Variants in CUX2 observed in about 807,000 individuals in gnomAD.
CUX2 encodes the protein cut like homeobox 2.
A neutral mutation model predicts 144.8 loss-of-function variants in CUX2; 40 were observed. The observed-to-expected ratio is 0.28, with a 90% CI of 0.21 to 0.36. The LOEUF (loss-of-function observed/expected upper bound fraction) is 0.36, where lower values mean the gene tolerates loss of function less well. Among genes scored for constraint, CUX2 ranks in the 10% least tolerant of loss-of-function variants. The pLI is 1.00. For missense variants in CUX2, 1,615 were observed against 1,994.0 expected, an observed-to-expected ratio of 0.81 and a Z score of 3.62; for synonymous variants, 827 against 875.6, an observed-to-expected ratio of 0.94 and a Z score of 0.98.
intron 1 of CUX2, among the ~76,000 whole-genome samples, chr12:111,107,037 A>G (rs1873653089): frequency 5.9e-5 from 9 of 152,226 alleles, no homozygotes; most frequent in Admixed American, 5.9e-4. Flanking sequence ...ATAACACGCA[A>G]TGCCACCTTC....
intron 1 of CUX2, among the ~76,000 whole-genome samples, chr12:111,093,472 G>A (rs1448539185): frequency 2.6e-5 from 4 of 151,708 alleles, no homozygotes; most frequent in Non-Finnish European, 1.5e-5. Flanking sequence ...GACAAGCCTC[G>A]TCTGCCACTT....
intron 18 of CUX2, among the ~76,000 whole-genome samples, chr12:111,326,323 G>A (rs1887808724): frequency 2.0e-5 from 1 of 50,846 alleles, no homozygotes; most frequent in Non-Finnish European, 3.2e-5. Flanking sequence ...TGGGGGAGGG[G>A]TGGGTTTTGT....
At position 111,059,509 on chromosome 12, in the gene CUX2, T is replaced by G. The variant is rs1870672320; in HGVS notation, c.63+25269T>G. 6.6e-6 allele frequency among the ~76,000 whole-genome samples: 1 copy of G among 152,110 alleles called. No homozygotes were observed. The highest frequency in any genetic ancestry group is 2.4e-5 in the African/African-American group (1 of 41,416). Reference sequence around the variant, plus strand: ...TTTCTATGAGGGCCCCATTGATGCCTCAGTTTCCCTCACCTTCCAAATGGG... The same window carrying G: ...TTTCTATGAGGGCCCCATTGATGCCGCAGTTTCCCTCACCTTCCAAATGGG... On this transcript the variant is annotated intron_variant, in intron 1 of 21. Transcript: ENST00000261726. The surrounding 1 kb of genome is among the most constrained non-coding windows in gnomAD (Gnocchi z 5.3).
intron 19 of CUX2, among the ~76,000 whole-genome samples, chr12:111,337,348 G>A (rs1372153502): frequency 7.6e-6 from 1 of 130,736 alleles, no homozygotes; most frequent in South Asian, 2.4e-4. Context: ...GTGAGACCCT[G>A]TCTCAAAAAA....
chr12:111,142,149 A>G (rs1393122560), intron 1 of CUX2, among the ~76,000 whole-genome samples: 2 of 152,278 alleles, frequency 1.3e-5, no homozygotes, highest in East Asian at 3.9e-4. Flanking sequence ...TCCTAGCAAG[A>G]TTTATCATGG....
At chr12:111,275,288 T>A (rs1884817428) in intron 4 of CUX2, among the ~76,000 whole-genome samples, 1 of 152,204 alleles carries the variant, frequency 6.6e-6, no homozygotes, top group South Asian at 2.1e-4. Context: ...CTGCCACTCA[T>A]CAGCTCATCA....
At chr12:111,161,026 G>T (rs1189442664) in intron 1 of CUX2, among the ~76,000 whole-genome samples, 1 of 152,210 alleles carries the variant, frequency 6.6e-6, no homozygotes, top group Non-Finnish European at 1.5e-5. Flanking sequence ...CAGTGGGTGG[G>T]TGGTGGAGCT....
intron 1 of CUX2, among the ~76,000 whole-genome samples, chr12:111,038,631 A>T (rs1301678690): frequency 6.6e-6 from 1 of 152,250 alleles, no homozygotes; most frequent in Non-Finnish European, 1.5e-5. Flanking sequence ...AATTTATTTA[A>T]AGAACCCAGC....
chr12:111,113,515 A>G (rs889109648), intron 1 of CUX2, among the ~76,000 whole-genome samples: 4 of 152,006 alleles, frequency 2.6e-5, no homozygotes, highest in Non-Finnish European at 4.4e-5. Context: ...GGATGATGCA[A>G]TATGTGATCT....
rs889076627 is a variant in CUX2 at position 111,246,586 on chromosome 12, T to C, written c.223-17175T>C. 2.6e-5 allele frequency among the ~76,000 whole-genome samples: 4 copies of C among 152,238 alleles called. No individual in the cohort carries two copies. Among genetic ancestry groups the C allele is most frequent in the Non-Finnish European group, 4.4e-5 (3 of 68,042 alleles). On this transcript the variant is annotated intron_variant, in intron 3 of 21. Coordinates refer to ENST00000261726, the MANE Select transcript of CUX2 (RefSeq NM_015267.4). This position sits in a 1 kb window ranked among gnomAD's most constrained non-coding sequence, Gnocchi z 4.0. ...CAAAAAACAAAAATCTCCGGATTCT[T>C]AAAGATTGGCTAACATCAATCATTT...
chr12:111,125,474 C>T (rs1368893050), intron 1 of CUX2, among the ~76,000 whole-genome samples: 3 of 152,158 alleles, frequency 2.0e-5, no homozygotes, highest in Admixed American at 6.5e-5. Context: ...CCACTGCGCC[C>T]GGCCTGGATA....
At position 111,255,487 on chromosome 12, in the gene CUX2, C is replaced by T. The variant is rs1376035405; in HGVS notation, c.223-8274C>T. ...GCTCCTCCTGGCCTCCCGTCCCCCA[C>T]CTACCTGCCGGCCTGGCTCCTCCAG... is the stretch of plus-strand genomic sequence containing the variant. On this transcript the variant is annotated intron_variant, in intron 3 of 21. Transcript: ENST00000261726. This position sits in a 1 kb window ranked among gnomAD's most constrained non-coding sequence, Gnocchi z 4.1. 6.6e-6 allele frequency among the ~76,000 whole-genome samples: 1 copy of T among 152,188 alleles called. No individual in the cohort carries two copies. The highest frequency in any genetic ancestry group is 1.5e-5 in the Non-Finnish European group (1 of 68,040).
intron 1 of CUX2, among the ~76,000 whole-genome samples, chr12:111,081,790 T>C (rs1352228400): frequency 6.6e-6 from 1 of 152,218 alleles, no homozygotes; most frequent in Admixed American, 6.5e-5. Flanking sequence ...AAGCAGGTGC[T>C]GTTCTGTTCC....
At chr12:111,118,698 C>A (rs73413563) in intron 1 of CUX2, among the ~76,000 whole-genome samples, 1 of 152,180 alleles carries the variant, frequency 6.6e-6, no homozygotes, top group African/African-American at 2.4e-5. Context: ...TTCATCCTTG[C>A]AAACATGCTA....
intron 16 of CUX2, among the ~76,000 whole-genome samples, chr12:111,315,196 A>G (rs914529755): frequency 6.6e-6 from 1 of 152,208 alleles, no homozygotes; most frequent in African/African-American, 2.4e-5. Context: ...CCAGGGAGGA[A>G]ATGAATGTGA....
In CUX2 at chr12:111,312,032, C is replaced by T. The variant is rs1310626580; in HGVS notation, c.1901-68C>T. On this transcript the variant is annotated intron_variant, in intron 15 of 21. Coordinates refer to ENST00000261726, the MANE Select transcript of CUX2 (RefSeq NM_015267.4). This position sits in a 1 kb window ranked among gnomAD's most constrained non-coding sequence, Gnocchi z 4.3. ...CTGGGAGGAGGAGACAGCCCCCCTA[C>T]CCCACCAGGCTCCGGAGACTGAGCC... is the stretch of plus-strand genomic sequence containing the variant. 7 of 1,414,128 alleles carry T rather than the reference C, an allele frequency of 5.0e-6. No individual in the cohort carries two copies. Among genetic ancestry groups the T allele is most frequent in the Non-Finnish European group, 6.8e-6 (7 of 1,023,410 alleles). The allele number at this position is 1,414,128 out of a possible 1,614,324, so 87.6% of individuals were successfully genotyped here. A position where few individuals can be genotyped will look rare whatever the true frequency, so the allele number is the denominator to read the frequency against.
chr12:111,238,810 C>T (rs1329226518), intron 3 of CUX2, among the ~76,000 whole-genome samples: 1 of 152,134 alleles, frequency 6.6e-6, no homozygotes, highest in Non-Finnish European at 1.5e-5. Context: ...TTTGGGAGAC[C>T]GAGGCGGGTG....
At chr12:111,292,658 C>T (rs936204306) in intron 5 of CUX2, among the ~76,000 whole-genome samples, 6 of 152,026 alleles carry the variant, frequency 3.9e-5, no homozygotes, top group Non-Finnish European at 8.8e-5. Flanking sequence ...ACGTAATGTA[C>T]GATTCTGTTG....
At chr12:111,132,720 C>T (rs1009865901) in intron 1 of CUX2, among the ~76,000 whole-genome samples, 3 of 151,910 alleles carry the variant, frequency 2.0e-5, no homozygotes, top group African/African-American at 2.4e-5. Context: ...GCATCCACCA[C>T]CACGCCCAGC....
Sources: allele counts gnomAD v4.1 joint callset (sites outside exome capture counted in the v4.1 genomes callset), GRCh38; gene constraint gnomAD v4.1.1; non-coding constraint Gnocchi (gnomAD v3.1); transcripts MANE v1.5; gene names NCBI Gene and HGNC (gene_info 2026-07-23, HGNC 2026-07-21).